The following UBB variants were observed in gnomAD, a reference collection of about 807,000 sequenced individuals.
UBB encodes ubiquitin B.
A neutral mutation model predicts 12.5 loss-of-function variants in UBB; 11 were observed. That is an observed-to-expected ratio of 0.88 (90% confidence interval 0.55 to 1.45). The LOEUF (loss-of-function observed/expected upper bound fraction) is 1.45. Ranked by LOEUF, UBB falls within the 40% of genes most tolerant of loss-of-function variation. UBB has a pLI of 0.00. For missense variants in UBB, 76 were observed against 286.9 expected (o/e 0.26, Z 5.31); for synonymous variants, 168 against 120.1 (o/e 1.40, Z -2.61).
intron 1 of UBB, chr17:16,381,646 C>A: frequency 1.8e-6 from 1 of 545,638 alleles, no homozygotes; most frequent in Non-Finnish European, 3.2e-6. Flanking sequence ...TTTGAATATC[C>A]GGAACAGTTA....
Position 16,382,603 on chromosome 17 carries a change from C to G in UBB, c.*6C>G, listed in dbSNP as rs763500226. 1.2e-6 allele frequency: 2 copies of G among 1,613,870 alleles called. No homozygotes were observed. Among genetic ancestry groups the G allele is most frequent in the Non-Finnish European group, 1.7e-6 (2 of 1,179,872 alleles). The stretch of plus-strand genomic sequence containing the variant: ...GCCTGAGGGGTGGCTGTTAATTCTT[C>G]AGTCATGGCATTCGCAGTGCCCAGT... On this transcript the variant is annotated 3_prime_UTR_variant, in exon 2 of 2. Transcript: ENST00000302182.
Position 16,382,558 on chromosome 17 carries a change from G to A in UBB, c.651G>A (p.Ser217=), listed in dbSNP as rs755891371. 6 of 1,613,816 alleles carry A rather than the reference G, an allele frequency of 3.7e-6. No homozygotes were observed. In the Admixed American group the frequency reaches 6.7e-5, roughly 18 times the overall value. Residue 217 remains serine, a synonymous_variant, in exon 2 of 2, where the codon TCG becomes TCA. Coordinates refer to ENST00000302182, the MANE Select transcript of UBB (RefSeq NM_018955.4). ...CTGACTACAACATCCAGAAAGAGTC[G>A]ACCCTGCACCTGGTCCTGCGCCTGA... ...TLSDYNIQKE[S]TLHLVLRLRG... is the part of the protein sequence containing the mutation.
At chr17:16,381,479 C>G (rs911451116) in intron 1 of UBB, 11 of 203,094 alleles carry the variant, frequency 5.4e-5, no homozygotes, top group African/African-American at 2.4e-4. Context: ...TGTGTGGTTT[C>G]TGGAAGCCTT....
chr17:16,381,778 G>C (rs1195956101), intron 1 of UBB, 124 bp from the exon 2 acceptor site: 35 of 1,260,406 alleles, frequency 2.8e-5, no homozygotes, highest in Non-Finnish European at 3.7e-5. Context: ...GGGGAGGCTT[G>C]CGGAATATTA....
chr17:16,381,603 G>A (rs756652067), intron 1 of UBB: 24 of 448,728 alleles, frequency 5.3e-5, no homozygotes, highest in Non-Finnish European at 8.2e-5. Context: ...ACCGTGCTTA[G>A]GTTTGAGGCA....
intron 1 of UBB, 197 bp from the exon 2 acceptor site, chr17:16,381,705 C>T (rs1421748683): frequency 5.4e-6 from 4 of 743,898 alleles, no homozygotes; most frequent in East Asian, 2.8e-5. Flanking sequence ...GGATTTTCCG[C>T]TGTTGACGTT....
intron 1 of UBB, chr17:16,381,624 C>T (rs1313789929): frequency 6.2e-6 from 3 of 486,358 alleles, no homozygotes; most frequent in Non-Finnish European, 7.4e-6. Flanking sequence ...GATTGGAGTT[C>T]GGTCGGGGGA....
intron 1 of UBB, 25 bp from the exon 2 acceptor site, chr17:16,381,877 C>T (rs369491013): frequency 1.2e-4 from 199 of 1,611,804 alleles, no homozygotes; most frequent in Admixed American, 1.7e-4. Flanking sequence ...TGAGGTGACA[C>T]GCTTATGTTT....
At chr17:16,381,794 T>C in intron 1 of UBB, 108 bp from the exon 2 acceptor site, 5 of 1,359,610 alleles carry the variant, frequency 3.7e-6, no homozygotes, top group Non-Finnish European at 5.0e-6. Flanking sequence ...TATTAACGTA[T>C]TTAAGGCATT....
chr17:16,381,737 C>T (rs369140938), intron 1 of UBB, 165 bp from the exon 2 acceptor site: 17 of 965,118 alleles, frequency 1.8e-5, no homozygotes, highest in African/African-American at 8.3e-5. Flanking sequence ...TGACGAATTT[C>T]GTATTAAGTG....
intron 1 of UBB, 169 bp downstream of exon 1, chr17:16,381,353 C>T (rs1281755031): frequency 5.8e-6 from 1 of 173,660 alleles, no homozygotes; most frequent in South Asian, 1.2e-4. Context: ...GCCTTGTTGA[C>T]CTGAGGGGGG....
intron 1 of UBB, chr17:16,381,667 C>A: frequency 1.7e-6 from 1 of 597,302 alleles, no homozygotes; most frequent in Non-Finnish European, 2.9e-6. Flanking sequence ...GTGGGGAAAG[C>A]TGTGGACGCT....
chr17:16,381,724 G>C, intron 1 of UBB, 178 bp from the exon 2 acceptor site: 1 of 897,044 alleles, frequency 1.1e-6, no homozygotes, highest in Non-Finnish European at 1.6e-6. Context: ...TTGAAACCTT[G>C]AATGACGAAT....
chr17:16,381,565 G>GT (rs1233513050), intron 1 of UBB: 1 of 310,840 alleles, frequency 3.2e-6, no homozygotes, highest in African/African-American at 2.1e-5. Context: ...AGTCTTGTGG[G>GT]TTTGGTTTTG....
chr17:16,381,859 A>G (rs746250237), intron 1 of UBB, 43 bp from the exon 2 acceptor site: 1 of 1,599,920 alleles, frequency 6.3e-7, no homozygotes, highest in Non-Finnish European at 8.5e-7. Flanking sequence ...CAAGAAATAC[A>G]ATGATCCTGA....
Position 16,381,879 on chromosome 17 carries a change from CTTA to C in UBB, c.-6-21_-6-19del. ...AATACAATGATCCTGAGGTGACACG[CTTA>C]TGTTTTACTTTTAAACTAGGTCAAA... is the stretch of plus-strand genomic sequence containing the variant. On this transcript the variant is annotated intron_variant, in intron 1 of 1. Coordinates refer to ENST00000302182, the MANE Select transcript of UBB (RefSeq NM_018955.4). The C allele has an allele frequency of 6.2e-7, 1 of 1,612,500 alleles. No homozygotes were observed. Among genetic ancestry groups the C allele is most frequent in the Non-Finnish European group, 8.5e-7 (1 of 1,178,970 alleles).
chr17:16,382,071 C>G lies in UBB; in HGVS notation c.164C>G (p.Thr55Ser). 3.7e-6 allele frequency: 6 copies of G among 1,610,386 alleles called. No homozygotes were observed. Among genetic ancestry groups the G allele is most frequent in the Non-Finnish European group, 5.1e-6 (6 of 1,179,014 alleles). ...FAGKQLEDGRTLSDYNIQKES... is the reference protein window; with the variant it reads ...FAGKQLEDGRSLSDYNIQKES... Reference sequence around the variant, plus strand: ...GGCAAGCAGCTGGAAGATGGCCGTACTCTTTCTGACTACAACATCCAGAAG... The same window carrying G: ...GGCAAGCAGCTGGAAGATGGCCGTAGTCTTTCTGACTACAACATCCAGAAG... Residue 55 changes from threonine (T) to serine (S), a missense_variant, in exon 2 of 2, where the codon ACT becomes AGT. Physicochemically the swap from Thr to Ser is moderately conservative, Grantham distance 58. Transcript: ENST00000302182.
chr17:16,382,619 A>G lies in UBB; in HGVS notation c.*22A>G, dbSNP rs1271797926. On this transcript the variant is annotated 3_prime_UTR_variant, in exon 2 of 2. Transcript: ENST00000302182. ...TTAATTCTTCAGTCATGGCATTCGC[A>G]GTGCCCAGTGATGGCATTACTCTGC... is the stretch of plus-strand genomic sequence containing the variant. 1.9e-6 allele frequency: 3 copies of G among 1,613,438 alleles called. No homozygotes were observed.
rs2093280782 is a variant in UBB at position 16,382,679 on chromosome 17, T to A, written c.*82T>A. On this transcript the variant is annotated 3_prime_UTR_variant, in exon 2 of 2. Coordinates refer to ENST00000302182, the MANE Select transcript of UBB (RefSeq NM_018955.4). ...ATTTGCCCCAACTTAAGTTTAGAAA[T>A]TACAAGTTTCAGTAATAGCTGAACC... 1.4e-5 allele frequency: 22 copies of A among 1,544,450 alleles called. No individual in the cohort carries two copies. The South Asian group carries it at 2.3e-4, about 16-fold the overall frequency.
Sources: gnomAD v4.1 joint callset for allele counts on GRCh38, gnomAD v4.1.1 for gene constraint, MANE v1.5 for transcripts, NCBI Gene and HGNC (gene_info 2026-07-23, HGNC 2026-07-21) for gene names.